Variants in MCTP1 observed in about 807,000 individuals in gnomAD.
MCTP1 encodes the protein multiple C2 and transmembrane domain-containing protein 1.
A neutral mutation model predicts 120.6 loss-of-function variants in MCTP1; 69 were observed. The ratio of observed to expected loss-of-function variants is 0.57; its 90% CI spans 0.47 to 0.70. The LOEUF (loss-of-function observed/expected upper bound fraction) is 0.70, where lower values mean the gene tolerates loss of function less well. MCTP1 is among the 30% of genes least tolerant of loss of function. The pLI is 0.00. For synonymous variants in MCTP1, 529 were observed against 493.1 expected, an observed-to-expected ratio of 1.07 and a Z score of -0.96; for missense variants, 1,203 against 1,248.8, an observed-to-expected ratio of 0.96 and a Z score of 0.55.
At chr5:95,102,585 T>C (rs1295912917) in intron 1 of MCTP1, among the ~76,000 whole-genome samples, 2 of 152,160 alleles carry the variant, frequency 1.3e-5, no homozygotes, top group Non-Finnish European at 2.9e-5. Flanking sequence ...AATGCCCAAA[T>C]GTGGGGCAGT....
At chr5:94,738,896 T>A (rs1678747993) in intron 19 of MCTP1, among the ~76,000 whole-genome samples, 1 of 152,244 alleles carries the variant, frequency 6.6e-6, no homozygotes, top group South Asian at 2.1e-4. Context: ...ATTATTCTGA[T>A]CTTTTAGGCT....
At chr5:94,773,647 T>C (rs1774606069) in intron 19 of MCTP1, among the ~76,000 whole-genome samples, 1 of 152,142 alleles carries the variant, frequency 6.6e-6, no homozygotes, top group African/African-American at 2.4e-5. Context: ...CAATTCCACA[T>C]GGCTGGGGAG....
chr5:94,838,852 A>G (rs961316479), intron 17 of MCTP1, among the ~76,000 whole-genome samples: 7 of 152,176 alleles, frequency 4.6e-5, no homozygotes, highest in African/African-American at 1.7e-4. Context: ...GATGCTGGGC[A>G]AGGAGGATGA....
chr5:95,160,955 A>T (rs1382219636), intron 1 of MCTP1, among the ~76,000 whole-genome samples: 1 of 152,206 alleles, frequency 6.6e-6, no homozygotes, highest in African/African-American at 2.4e-5. Flanking sequence ...AGTGTTAGTA[A>T]GGGTGTGGAG....
chr5:95,098,204 T>G (rs1163547111), intron 1 of MCTP1, among the ~76,000 whole-genome samples: 4 of 152,234 alleles, frequency 2.6e-5, no homozygotes, highest in African/African-American at 9.6e-5. Context: ...ATGAGTCACC[T>G]TCATTTCTTC....
Position 95,284,624 on chromosome 5 carries a change from TG to T in MCTP1, c.-50del. On this transcript the variant is annotated 5_prime_UTR_variant, in exon 1 of 23. Transcript: ENST00000515393. The surrounding 1 kb of genome is among the most constrained non-coding windows in gnomAD (Gnocchi z 5.2). ...CCCCTCCTCCTCCTCCTCCTCCTCC[TG>T]CTTCTCCTCCCTCTTCGGCTGCACC... 1 of 1,331,630 alleles carries T rather than the reference TG, an allele frequency of 7.5e-7. No homozygotes were observed. The allele number at this position is 1,331,630 out of a possible 1,614,324, so 82.5% of individuals were successfully genotyped here. A position where few individuals can be genotyped will look rare whatever the true frequency, so the allele number is the denominator to read the frequency against.
At chr5:94,905,270 C>T (rs1411073150) in intron 10 of MCTP1, among the ~76,000 whole-genome samples, 3 of 152,148 alleles carry the variant, frequency 2.0e-5, no homozygotes, top group Non-Finnish European at 4.4e-5. Flanking sequence ...TCATAGTAGA[C>T]AAGCAACAAG....
intron 1 of MCTP1, among the ~76,000 whole-genome samples, chr5:95,108,399 C>T (rs1347884948): frequency 6.6e-6 from 1 of 151,936 alleles, no homozygotes; most frequent in African/African-American, 2.4e-5. Context: ...ACAGAGCAAC[C>T]TCACAAAGTA....
intron 18 of MCTP1, chr5:94,792,863 G>A (rs139301935): frequency 6.6e-6 from 1 of 152,272 alleles, no homozygotes; most frequent in East Asian, 1.9e-4. Context: ...AAGAATAAAG[G>A]TACAACTGGG....
intron 1 of MCTP1, among the ~76,000 whole-genome samples, chr5:95,219,217 T>C (rs1351886657): frequency 1.3e-5 from 2 of 151,530 alleles, no homozygotes; most frequent in Admixed American, 6.6e-5. Context: ...CCGTCTCTAC[T>C]AAAAAATACA....
chr5:94,774,207 CAAAAAAAAAAAAAAAAAAAAAAAAAAA>C (rs70978130), intron 19 of MCTP1, among the ~76,000 whole-genome samples: 2 of 4,182 alleles, frequency 4.8e-4, no homozygotes, highest in African/African-American at 1.3e-3. Context: ...GACTCCGTCT[CAAAAAAAAAAAAAAAAAAAAAAAAAAA>C]AAAAAAAAAA....
At chr5:95,171,730 G>A (rs115837432) in intron 1 of MCTP1, among the ~76,000 whole-genome samples, 2,586 of 152,078 alleles carry the variant, frequency 0.017, 31 homozygotes, top group African/African-American at 0.029. Flanking sequence ...CATTCGTTGC[G>A]TAGTTCTCAT....
At chr5:94,778,492 C>T (rs1232459903) in intron 19 of MCTP1, among the ~76,000 whole-genome samples, 1 of 152,034 alleles carries the variant, frequency 6.6e-6, no homozygotes, top group Non-Finnish European at 1.5e-5. Flanking sequence ...CCAATCCAAG[C>T]AGTCCCAGAA....
intron 1 of MCTP1, among the ~76,000 whole-genome samples, chr5:95,051,070 G>T (rs1332290309): frequency 6.6e-6 from 1 of 152,152 alleles, no homozygotes; most frequent in African/African-American, 2.4e-5. Flanking sequence ...GAGACTTCCA[G>T]CTTCCAAACT....
chr5:95,214,015 G>A (rs2152572339), intron 1 of MCTP1, among the ~76,000 whole-genome samples: 1 of 152,304 alleles, frequency 6.6e-6, no homozygotes, highest in Middle Eastern at 3.4e-3. Flanking sequence ...TTGACAAATG[G>A]GATCTAATTA....
At chr5:95,056,628 T>G (rs1325294174) in intron 1 of MCTP1, among the ~76,000 whole-genome samples, 1 of 152,222 alleles carries the variant, frequency 6.6e-6, no homozygotes, top group South Asian at 2.1e-4. Flanking sequence ...GAAACTGATC[T>G]TTTGCTCTCT....
intron 1 of MCTP1, among the ~76,000 whole-genome samples, chr5:95,110,622 A>G (rs1757386135): frequency 1.3e-5 from 2 of 152,190 alleles, no homozygotes. Context: ...GATTTTTGCT[A>G]GATATATCCA....
intron 19 of MCTP1, among the ~76,000 whole-genome samples, chr5:94,717,455 C>G (rs965366107): frequency 6.6e-6 from 1 of 152,106 alleles, no homozygotes; most frequent in South Asian, 2.1e-4. Flanking sequence ...CCCTTGAAAT[C>G]TGGCACAAGA....
intron 6 of MCTP1, among the ~76,000 whole-genome samples, chr5:94,924,448 A>G (rs1186158423): frequency 6.6e-6 from 1 of 152,196 alleles, no homozygotes; most frequent in African/African-American, 2.4e-5. Flanking sequence ...ACATGCACCT[A>G]GTCAAATTTG....
Sources: allele counts gnomAD v4.1 joint callset (sites outside exome capture counted in the v4.1 genomes callset), GRCh38; gene constraint gnomAD v4.1.1; non-coding constraint Gnocchi (gnomAD v3.1); transcripts MANE v1.5; gene names NCBI Gene and HGNC (gene_info 2026-07-23, HGNC 2026-07-21).